ZSCAN5A: variants seen among roughly 807,000 people sequenced by gnomAD.
ZSCAN5A encodes the protein zinc finger and SCAN domain-containing protein 5A.
A neutral mutation model predicts 23.7 loss-of-function variants in ZSCAN5A; 12 were observed. The ratio of observed to expected loss-of-function variants is 0.51; its 90% CI spans 0.32 to 0.82. ZSCAN5A has a LOEUF of 0.82. Ranked by LOEUF, ZSCAN5A falls within the 40% of genes least tolerant of loss-of-function variation. ZSCAN5A has a pLI of 0.03. For synonymous variants in ZSCAN5A, 257 were observed against 239.9 expected (o/e 1.07, Z -0.66); for missense variants, 597 against 617.9 (o/e 0.97, Z 0.36).
intron 2 of ZSCAN5A, among the ~76,000 whole-genome samples, chr19:56,292,180 T>A (rs2039554325): frequency 6.6e-6 from 1 of 152,250 alleles, no homozygotes. Flanking sequence ...TTCATCATGC[T>A]GTTCCCTGAA....
At position 56,223,766 on chromosome 19, in the gene ZSCAN5A, G is replaced by A. The variant is rs759204689; in HGVS notation, c.453C>T (p.Pro151=). Residue 151 remains proline (P), a synonymous_variant, in exon 4 of 6, where the codon CCC becomes CCT. Transcript: ENST00000683990. ...CTTTCAGATCATCTCTGACACTGGA[G>A]GGGGCTTCAGCCATCTCGATATCTG... ...QDSDIEMAEA[P]SSVRDDLKDV... 6.8e-6 allele frequency: 11 copies of A among 1,613,818 alleles called. No homozygotes were observed. Among genetic ancestry groups the A allele is most frequent in the South Asian group, 6.6e-5 (6 of 91,072 alleles).
chr19:56,326,271 A>G (rs529343687), intron 2 of ZSCAN5A, among the ~76,000 whole-genome samples: 1 of 151,716 alleles, frequency 6.6e-6, no homozygotes, highest in South Asian at 2.1e-4. Context: ...GTCTAAAACA[A>G]GCTAATAAAT....
chr19:56,246,338 A>G (rs1422310320), intron 2 of ZSCAN5A: 2 of 446,386 alleles, frequency 4.5e-6, no homozygotes, highest in Non-Finnish European at 8.1e-6. Flanking sequence ...CTGCTGCCAG[A>G]GACTACTGTC....
chr19:56,327,548 C>T (rs2041446236), intron 2 of ZSCAN5A, among the ~76,000 whole-genome samples: 1 of 150,524 alleles, frequency 6.6e-6, no homozygotes. Context: ...TATAAATATG[C>T]ACATTATATT....
intron 2 of ZSCAN5A, 152 bp from the exon 3 acceptor site, chr19:56,225,325 G>C: frequency 1.8e-6 from 1 of 554,814 alleles, no homozygotes; most frequent in Non-Finnish European, 2.6e-6. Context: ...TACATACTCT[G>C]GTTTAAAATC....
intron 2 of ZSCAN5A, among the ~76,000 whole-genome samples, chr19:56,331,525 A>G (rs1600287111): frequency 8.2e-6 from 1 of 122,060 alleles, no homozygotes; most frequent in Non-Finnish European, 1.7e-5. Context: ...TCTTGGTTAT[A>G]TATAGTCTAG....
chr19:56,323,259 A>G (rs2041397746), intron 2 of ZSCAN5A, among the ~76,000 whole-genome samples: 2 of 152,026 alleles, frequency 1.3e-5, no homozygotes, highest in Admixed American at 1.3e-4. Context: ...GCGCTGGCAC[A>G]ATCACAGCTC....
At chr19:56,309,803 G>T (rs2040920091) in intron 2 of ZSCAN5A, among the ~76,000 whole-genome samples, 1 of 152,200 alleles carries the variant, frequency 6.6e-6, no homozygotes, top group African/African-American at 2.4e-5. Context: ...GAACTGGAGG[G>T]GGCGCTGCTT....
intron 2 of ZSCAN5A, among the ~76,000 whole-genome samples, chr19:56,346,021 AAC>A (rs1486409322): frequency 6.6e-6 from 1 of 152,124 alleles, no homozygotes; most frequent in African/African-American, 2.4e-5. Context: ...TTCTTTAAGG[AAC>A]CTCAGACTAT....
chr19:56,245,641 G>A (rs980669122), intron 2 of ZSCAN5A, among the ~76,000 whole-genome samples: 1 of 152,180 alleles, frequency 6.6e-6, no homozygotes, highest in African/African-American at 2.4e-5. Flanking sequence ...ATGTAGGGTG[G>A]GGGGTCAGAA....
intron 2 of ZSCAN5A, among the ~76,000 whole-genome samples, chr19:56,285,758 C>T (rs1250320035): frequency 6.6e-6 from 1 of 151,688 alleles, no homozygotes; most frequent in Non-Finnish European, 1.5e-5. Context: ...GGATTACAGG[C>T]ATGAGCCATC....
chr19:56,320,902 C>T (rs544231115), intron 2 of ZSCAN5A: 6 of 761,930 alleles, frequency 7.9e-6, no homozygotes, highest in South Asian at 5.4e-5. Context: ...AATCTTTACC[C>T]CCTTGAAGGA....
At chr19:56,242,585 C>T (rs557637851) in intron 2 of ZSCAN5A, among the ~76,000 whole-genome samples, 6 of 152,216 alleles carry the variant, frequency 3.9e-5, no homozygotes, top group African/African-American at 4.8e-5. Flanking sequence ...TGACCTTTCC[C>T]GAGACCCTCC....
chr19:56,226,630 C>T (rs1187225094), intron 2 of ZSCAN5A, among the ~76,000 whole-genome samples: 2 of 152,126 alleles, frequency 1.3e-5, no homozygotes, highest in African/African-American at 4.8e-5. Context: ...TAAATTAGAG[C>T]AGCCGATATG....
At chr19:56,241,225 A>G (rs1385440011) in intron 2 of ZSCAN5A, among the ~76,000 whole-genome samples, 3 of 152,234 alleles carry the variant, frequency 2.0e-5, no homozygotes, top group African/African-American at 4.8e-5. Context: ...ATGGGAAAAG[A>G]ACTGAGAGTG....
At chr19:56,326,968 C>CATATATA (rs1422774194) in intron 2 of ZSCAN5A, among the ~76,000 whole-genome samples, 2 of 152,150 alleles carry the variant, frequency 1.3e-5, no homozygotes, top group African/African-American at 4.8e-5. Flanking sequence ...GTGCTATATG[C>CATATATA]TGACCCACCT....
chr19:56,280,921 C>A (rs535517954), intron 2 of ZSCAN5A, among the ~76,000 whole-genome samples: 48 of 152,196 alleles, frequency 3.2e-4, no homozygotes, highest in African/African-American at 1.1e-3. Flanking sequence ...CACATTTGAC[C>A]CTTGAACAAT....
chr19:56,280,977 T>A (rs1348574220), intron 2 of ZSCAN5A, among the ~76,000 whole-genome samples: 1 of 152,196 alleles, frequency 6.6e-6, no homozygotes, highest in Admixed American at 6.5e-5. Flanking sequence ...AAAATTCACA[T>A]ATAACTTTTG....
At chr19:56,321,626 T>TTCATCCATGCATCGTTATGTCGTCCA (rs2041376843) in intron 2 of ZSCAN5A, 2 of 851,470 alleles carry the variant, frequency 2.3e-6, no homozygotes, top group African/African-American at 3.3e-5. Context: ...AATGGCAAGG[T>TTCATCCATGCATCGTTATGTCGTCCA]TCATCCATGC....
Sources: allele counts gnomAD v4.1 joint callset (sites outside exome capture counted in the v4.1 genomes callset), GRCh38; gene constraint gnomAD v4.1.1; transcripts MANE v1.5; gene names NCBI Gene and HGNC (gene_info 2026-07-23, HGNC 2026-07-21).